Variants in MAGI2 observed in about 807,000 individuals in gnomAD.
The protein encoded by MAGI2 is membrane associated guanylate kinase, WW and PDZ domain containing 2.
In MAGI2, 35 loss-of-function variants were observed where a neutral mutation model predicts 133.3. The ratio of observed to expected loss-of-function variants is 0.26; its 90% CI spans 0.20 to 0.35. The LOEUF is 0.35. Among genes scored for constraint, MAGI2 ranks in the 10% least tolerant of loss-of-function variants. The pLI is 1.00. For synonymous variants in MAGI2, 729 were observed against 710.6 expected (o/e 1.03, Z -0.41); for missense variants, 1,636 against 1,863.4 (o/e 0.88, Z 2.25).
At chr7:78,427,270 CTAAA>C (rs1338258781) in intron 6 of MAGI2, among the ~76,000 whole-genome samples, 1 of 151,916 alleles carries the variant, frequency 6.6e-6, no homozygotes, top group African/African-American at 2.4e-5. Context: ...TGAAAATGGA[CTAAA>C]TATTTTAATT....
intron 2 of MAGI2, among the ~76,000 whole-genome samples, chr7:78,826,015 G>T (rs935534470): frequency 6.6e-6 from 1 of 152,110 alleles, no homozygotes; most frequent in Non-Finnish European, 1.5e-5. Flanking sequence ...GTGATAAAAA[G>T]AAATAAGCTT....
intron 2 of MAGI2, among the ~76,000 whole-genome samples, chr7:78,753,580 A>G (rs1823659312): frequency 6.6e-6 from 1 of 152,158 alleles, no homozygotes; most frequent in African/African-American, 2.4e-5. Flanking sequence ...GAATTTGTTA[A>G]GAGACATACA....
At chr7:79,076,458 A>G (rs1815470993) in intron 1 of MAGI2, among the ~76,000 whole-genome samples, 1 of 152,246 alleles carries the variant, frequency 6.6e-6, no homozygotes, top group African/African-American at 2.4e-5. Flanking sequence ...TTCCAAATCA[A>G]GAATGACAAT....
chr7:78,633,266 G>A (rs71573396), intron 2 of MAGI2, among the ~76,000 whole-genome samples: 1 of 151,688 alleles, frequency 6.6e-6, no homozygotes, highest in Admixed American at 6.6e-5. Flanking sequence ...GAGGAGGGAC[G>A]AGGGACAGGA....
At chr7:79,155,072 T>A (rs1477793667) in intron 1 of MAGI2, among the ~76,000 whole-genome samples, 1 of 152,166 alleles carries the variant, frequency 6.6e-6, no homozygotes, top group Admixed American at 6.6e-5. Flanking sequence ...TTTATTAAAA[T>A]TTTCACAAGG....
intron 20 of MAGI2, among the ~76,000 whole-genome samples, chr7:78,099,351 C>A (rs926908413): frequency 6.6e-6 from 1 of 152,022 alleles, no homozygotes; most frequent in Non-Finnish European, 1.5e-5. Context: ...AAATGATTAA[C>A]TTTTTTCCCT....
intron 14 of MAGI2, among the ~76,000 whole-genome samples, chr7:78,175,452 T>C (rs1826501382): frequency 6.6e-6 from 1 of 152,120 alleles, no homozygotes; most frequent in Admixed American, 6.5e-5. Flanking sequence ...TTCCTGAGCC[T>C]TGGGGAACTT....
chr7:79,114,281 A>C (rs1819198462), intron 1 of MAGI2, among the ~76,000 whole-genome samples: 1 of 152,162 alleles, frequency 6.6e-6, no homozygotes, highest in African/African-American at 2.4e-5. Context: ...TTACTCTATG[A>C]AGGATATTGT....
chr7:78,554,544 A>G (rs1302444465), intron 3 of MAGI2: 1 of 152,218 alleles, frequency 6.6e-6, no homozygotes, highest in Non-Finnish European at 1.5e-5. Context: ...TGACAACAGC[A>G]GAGACAGGAA....
chr7:79,097,223 G>T (rs1470398882), intron 1 of MAGI2, among the ~76,000 whole-genome samples: 4 of 152,128 alleles, frequency 2.6e-5, no homozygotes, highest in African/African-American at 9.7e-5. Flanking sequence ...AGGAAACTGA[G>T]ACATAGACAT....
At chr7:78,178,202 T>G in intron 13 of MAGI2, 100 bp from the exon 14 acceptor site, 1 of 737,784 alleles carries the variant, frequency 1.4e-6, no homozygotes, top group Non-Finnish European at 2.4e-6. Flanking sequence ...TGGATGCGAT[T>G]AATGAGAGTG....
intron 10 of MAGI2, among the ~76,000 whole-genome samples, chr7:78,210,821 A>G (rs1302808987): frequency 2.6e-5 from 4 of 152,208 alleles, no homozygotes; most frequent in African/African-American, 9.6e-5. Context: ...AAGACTTTTT[A>G]TTGGTTTGTC....
intron 5 of MAGI2, among the ~76,000 whole-genome samples, chr7:78,493,740 G>C (rs1197568255): frequency 6.6e-6 from 1 of 152,062 alleles, no homozygotes; most frequent in Non-Finnish European, 1.5e-5. Context: ...CTGTTTCCCA[G>C]CTTCTGCCAG....
rs186021866 is a variant in MAGI2, at chr7:79,239,225, T to A, written c.301+213795A>T. On this transcript the variant is annotated intron_variant, in intron 1 of 21. Coordinates refer to ENST00000354212, the MANE Select transcript of MAGI2 (RefSeq NM_012301.4). Reference sequence around the variant, plus strand: ...TGAGTCTACTAGTAGTTACTCTTTTTTTCCCATACAGTATAAGCAGAAAAG... The same window carrying A: ...TGAGTCTACTAGTAGTTACTCTTTTATTCCCATACAGTATAAGCAGAAAAG... Among the ~76,000 whole-genome samples, 139 of 152,322 alleles carry A rather than the reference T, an allele frequency of 9.1e-4. 2 individuals are homozygous for A. Among genetic ancestry groups the A allele is most frequent in the Admixed American group, 8.9e-3 (136 of 15,296 alleles).
At chr7:79,414,485 C>A (rs557696567) in intron 1 of MAGI2, 4 of 152,182 alleles carry the variant, frequency 2.6e-5, no homozygotes, top group South Asian at 2.1e-4. Flanking sequence ...AAATGTGACC[C>A]GTGCTGGTGT....
chr7:78,420,760 C>T (rs1798723293), intron 6 of MAGI2, among the ~76,000 whole-genome samples: 1 of 152,038 alleles, frequency 6.6e-6, no homozygotes, highest in Non-Finnish European at 1.5e-5. Context: ...CATATCCTGG[C>T]CATATCATTT....
chr7:79,323,313 T>C (rs1391556673), intron 1 of MAGI2, among the ~76,000 whole-genome samples: 1 of 152,178 alleles, frequency 6.6e-6, no homozygotes. Flanking sequence ...GATTGCATGA[T>C]ATTCTATGAC....
At chr7:78,855,241 C>G (rs1416390705) in intron 2 of MAGI2, among the ~76,000 whole-genome samples, 1 of 151,912 alleles carries the variant, frequency 6.6e-6, no homozygotes, top group Non-Finnish European at 1.5e-5. Context: ...AACTCAACAC[C>G]ATGCCCAGCT....
intron 1 of MAGI2, among the ~76,000 whole-genome samples, chr7:79,443,987 T>C (rs1470959377): frequency 6.6e-6 from 1 of 152,150 alleles, no homozygotes; most frequent in Non-Finnish European, 1.5e-5. Context: ...TAAAATTTCT[T>C]CTACAAATTT....
Sources: allele counts gnomAD v4.1 joint callset (sites outside exome capture counted in the v4.1 genomes callset), GRCh38; gene constraint gnomAD v4.1.1; transcripts MANE v1.5; gene names NCBI Gene and HGNC (gene_info 2026-07-23, HGNC 2026-07-21).